Variants in SYT12 observed in about 807,000 individuals in gnomAD.
SYT12 encodes the protein synaptotagmin-12.
A neutral mutation model predicts 39.5 loss-of-function variants in SYT12; 27 were observed. The ratio of observed to expected loss-of-function variants is 0.68; its 90% confidence interval spans 0.50 to 0.94. The LOEUF is 0.94. Ranked by LOEUF, SYT12 falls within the 40% of genes least tolerant of loss-of-function variation. The pLI is 0.00. For missense variants in SYT12, 536 were observed against 572.6 expected (o/e 0.94, Z 0.65); for synonymous variants, 233 against 239.7 (o/e 0.97, Z 0.26).
chr11:67,049,885 C>T lies in SYT12; in HGVS notation c.*1128C>T, dbSNP rs2136239475. 6.6e-6 allele frequency: 1 copy of T among 152,254 alleles called. No homozygotes were observed. Among genetic ancestry groups the T allele is most frequent in the Non-Finnish European group, 1.5e-5 (1 of 68,034 alleles). 9.4% of individuals were successfully genotyped at this position (152,254 alleles called of 1,614,324 possible). ...CTAGGAAGGAGGCGGCTCTCGATCA[C>T]GGGGTGGGTGCCCCCGACACCGGGT... On this transcript the variant is annotated 3_prime_UTR_variant, in exon 8 of 8. Transcript: ENST00000527043.
chr11:67,035,821 CCTTCCTTCCTTCCTTCCTTTCTTTCTTT>C (rs1484148597), intron 3 of SYT12, among the ~76,000 whole-genome samples: 2 of 88,748 alleles, frequency 2.3e-5, no homozygotes, highest in Non-Finnish European at 2.2e-5. Flanking sequence ...TTCCTTCCTT[CCTTCCTTCCTTCCTTCCTTTCTTTCTTT>C]CTTTCTTTCT....
chr11:67,046,526 G>A (rs1045478270), intron 7 of SYT12, among the ~76,000 whole-genome samples: 1 of 152,200 alleles, frequency 6.6e-6, no homozygotes. Flanking sequence ...TACAGAACCC[G>A]CCTAATCTCC....
At chr11:67,012,166 T>G (rs1171199520) in intron 3 of SYT12, among the ~76,000 whole-genome samples, 1 of 151,148 alleles carries the variant, frequency 6.6e-6, no homozygotes, top group Non-Finnish European at 1.5e-5. Flanking sequence ...AGGTCAGGAA[T>G]TCGAGACCAG....
At chr11:67,043,899 CAT>C in intron 5 of SYT12, 46 bp downstream of exon 5, 1 of 1,557,502 alleles carries the variant, frequency 6.4e-7, no homozygotes, top group Admixed American at 1.7e-5. Context: ...CGTGCACACA[CAT>C]ACACTTCCAG....
chr11:67,043,314 C>T (rs2136229771), intron 4 of SYT12, among the ~76,000 whole-genome samples: 1 of 152,336 alleles, frequency 6.6e-6, no homozygotes, highest in East Asian at 1.9e-4. Flanking sequence ...GGGCTAGACT[C>T]GAACAGATGC....
intron 7 of SYT12, among the ~76,000 whole-genome samples, chr11:67,047,121 C>T (rs1854580506): frequency 6.6e-6 from 1 of 151,786 alleles, no homozygotes; most frequent in Admixed American, 6.6e-5. Flanking sequence ...CCTGCCACCA[C>T]ACCTGGCTAA....
chr11:67,016,316 C>G (rs556865560), intron 3 of SYT12, among the ~76,000 whole-genome samples: 12 of 151,918 alleles, frequency 7.9e-5, no homozygotes, highest in Non-Finnish European at 1.5e-4. Context: ...AAAGATGTTG[C>G]GGGAGGGAAG....
At chr11:67,012,231 C>T (rs1229386777) in intron 3 of SYT12, among the ~76,000 whole-genome samples, 1 of 151,816 alleles carries the variant, frequency 6.6e-6, no homozygotes, top group African/African-American at 2.4e-5. Flanking sequence ...ATTAGCCAGG[C>T]GTGGTGGTGT....
chr11:67,012,002 A>G (rs1329872145), intron 3 of SYT12, among the ~76,000 whole-genome samples: 3 of 149,294 alleles, frequency 2.0e-5, no homozygotes, highest in African/African-American at 7.4e-5. Context: ...TGACCTTGTG[A>G]TCCACCCACC....
intron 3 of SYT12, among the ~76,000 whole-genome samples, chr11:67,016,981 AATT>A (rs1201254227): frequency 6.6e-6 from 1 of 152,166 alleles, no homozygotes; most frequent in Non-Finnish European, 1.5e-5. Flanking sequence ...TAAATTCTGT[AATT>A]ATTGTTATTT....
rs1008370397 is a variant in SYT12, at chr11:67,038,347, A to G, written c.229-1464A>G. On this transcript the variant is annotated intron_variant, in intron 3 of 7. Transcript: ENST00000527043. ...ACACCCGGCTAATTTTTGTAGTTTTAGTAGAGACGGTTTCACCATGTTGGC... is the reference window on the plus strand; with the variant it reads ...ACACCCGGCTAATTTTTGTAGTTTTGGTAGAGACGGTTTCACCATGTTGGC... 3.9e-5 allele frequency among the ~76,000 whole-genome samples: 6 copies of G among 151,938 alleles called. No individual in the cohort carries two copies. The South Asian group carries it at 6.2e-4, about 16-fold the overall frequency.
At chr11:67,028,731 C>A (rs1397349538) in intron 1 of SYT12, 1 of 152,206 alleles carries the variant, frequency 6.6e-6, no homozygotes, top group African/African-American at 2.4e-5. Context: ...ATGGTGTTTG[C>A]ATTTTTTTGC....
chr11:67,035,610 A>G (rs1950346676), intron 3 of SYT12, among the ~76,000 whole-genome samples: 1 of 150,224 alleles, frequency 6.7e-6, no homozygotes, highest in South Asian at 2.1e-4. Flanking sequence ...GGCACCCGCC[A>G]CCATGCCCAG....
chr11:67,035,319 TTTTC>T (rs199964395), intron 3 of SYT12, among the ~76,000 whole-genome samples: 3,128 of 150,574 alleles, frequency 0.021, 38 homozygotes, highest in Non-Finnish European at 0.035. Context: ...ACTGCTAACG[TTTTC>T]TTTCTTTCTT....
At chr11:67,010,556 C>T (rs1950006322) in intron 2 of SYT12, among the ~76,000 whole-genome samples, 1 of 152,248 alleles carries the variant, frequency 6.6e-6, no homozygotes. Flanking sequence ...AGGCCTGTTC[C>T]AGCTCCATCT....
chr11:67,039,768 A>G (rs757752850), intron 3 of SYT12, 43 bp from the exon 4 acceptor site: 9 of 1,562,700 alleles, frequency 5.8e-6, no homozygotes, highest in Non-Finnish European at 7.8e-6. Flanking sequence ...GACCTTGCCT[A>G]TGGCCCCCAT....
rs1029536011 is a variant in SYT12 at position 67,049,012 on chromosome 11, C to T, written c.*255C>T. 4 of 405,154 alleles carry T rather than the reference C, an allele frequency of 9.9e-6. No homozygotes were observed. The highest frequency in any genetic ancestry group is 1.8e-5 in the Non-Finnish European group (4 of 225,162). The allele number at this position is 405,154 out of a possible 1,614,324, so 25.1% of individuals were successfully genotyped here. A position where few individuals can be genotyped will look rare whatever the true frequency, so the allele number is the denominator to read the frequency against. On this transcript the variant is annotated 3_prime_UTR_variant, in exon 8 of 8. Transcript: ENST00000527043. Reference sequence around the variant, plus strand: ...CAGGACAGAGGACTCAACCCTGCTCCTCCCGGTAGGCCAGCTGCCGAGCTG... The same window carrying T: ...CAGGACAGAGGACTCAACCCTGCTCTTCCCGGTAGGCCAGCTGCCGAGCTG...
intron 1 of SYT12, chr11:67,029,548 A>G (rs1950228854): frequency 1.3e-5 from 2 of 152,284 alleles, no homozygotes. Flanking sequence ...TGGGACACAC[A>G]TATTAAAAAC....
At chr11:67,010,468 GCCCCAGTAA>G (rs565153471) in intron 2 of SYT12, among the ~76,000 whole-genome samples, 1 of 152,182 alleles carries the variant, frequency 6.6e-6, no homozygotes, top group Non-Finnish European at 1.5e-5. Context: ...ATGTAGCCAA[GCCCCAGTAA>G]CCCTCGGGTC....
Sources: gnomAD v4.1 joint callset for allele counts (sites outside exome capture counted in the v4.1 genomes callset) on GRCh38, gnomAD v4.1.1 for gene constraint, MANE v1.5 for transcripts, NCBI Gene and HGNC (gene_info 2026-07-23, HGNC 2026-07-21) for gene names.